Variants in FAM107B observed in about 807,000 individuals in gnomAD.
FAM107B encodes family with sequence similarity 107 member B, also known as protein FAM107B.
In FAM107B, 21 loss-of-function variants were observed where a neutral mutation model predicts 31.5. The ratio of observed to expected loss-of-function variants is 0.67; its 90% CI spans 0.47 to 0.96. The LOEUF (loss-of-function observed/expected upper bound fraction) is 0.96, where lower values mean the gene tolerates loss of function less well. Ranked by LOEUF, FAM107B falls within the 40% of genes least tolerant of loss-of-function variation. The pLI is 0.00. For synonymous variants in FAM107B, 157 were observed against 141.5 expected, an observed-to-expected ratio of 1.11 and a Z score of -0.78; for missense variants, 452 against 377.1, an observed-to-expected ratio of 1.20 and a Z score of -1.64.
chr10:14,704,848 AC>A (rs1473137519), intron 1 of FAM107B, among the ~76,000 whole-genome samples: 1 of 152,006 alleles, frequency 6.6e-6, no homozygotes, highest in Non-Finnish European at 1.5e-5. Context: ...ACATGATGAA[AC>A]CCCATCTCTA....
chr10:14,702,556 G>A (rs11259288), intron 1 of FAM107B, among the ~76,000 whole-genome samples: 12,528 of 152,068 alleles, frequency 0.082, 722 homozygotes, highest in Non-Finnish European at 0.12. Context: ...CACCATGTTG[G>A]CCAGGCTGTT....
intron 1 of FAM107B, among the ~76,000 whole-genome samples, chr10:14,737,690 C>T (rs2768702): frequency 0.52 from 79,067 of 151,242 alleles, 23,497 homozygotes; most frequent in African/African-American, 0.83. Flanking sequence ...GAAAAACTTA[C>T]CTTCCCCAAT....
intron 1 of FAM107B, among the ~76,000 whole-genome samples, chr10:14,680,247 A>T (rs1854798574): frequency 6.6e-6 from 1 of 152,120 alleles, no homozygotes; most frequent in Non-Finnish European, 1.5e-5. Context: ...TATTAAGAGA[A>T]TGAATCCAGA....
chr10:14,742,366 C>A (rs1314458328), intron 1 of FAM107B, among the ~76,000 whole-genome samples: 1 of 151,858 alleles, frequency 6.6e-6, no homozygotes, highest in African/African-American at 2.4e-5. Context: ...AGTCCTCCCA[C>A]CTCTGCCTCC....
intron 1 of FAM107B, among the ~76,000 whole-genome samples, chr10:14,695,396 A>G (rs561270219): frequency 6.6e-6 from 1 of 152,270 alleles, no homozygotes; most frequent in South Asian, 2.1e-4. Context: ...GTTTAATTAC[A>G]TAGCTTTATA....
At chr10:14,656,061 T>A (rs1390019936) in intron 2 of FAM107B, among the ~76,000 whole-genome samples, 1 of 152,164 alleles carries the variant, frequency 6.6e-6, no homozygotes, top group Non-Finnish European at 1.5e-5. Flanking sequence ...ATCGCTGATA[T>A]AAACAATTGA....
At chr10:14,525,931 C>T (rs976345527) in intron 3 of FAM107B, among the ~76,000 whole-genome samples, 2 of 152,178 alleles carry the variant, frequency 1.3e-5, no homozygotes, top group Admixed American at 1.3e-4. Context: ...GTACATTTCA[C>T]ATAAACCACT....
At chr10:14,761,085 T>C (rs1181370202) in intron 1 of FAM107B, among the ~76,000 whole-genome samples, 1 of 151,258 alleles carries the variant, frequency 6.6e-6, no homozygotes, top group East Asian at 1.9e-4. Context: ...AAAAAGTAAT[T>C]AATTTAATCA....
intron 1 of FAM107B, among the ~76,000 whole-genome samples, chr10:14,734,488 G>GTGTTTTTGTTTTTGTT (rs558940939): frequency 0.018 from 2,476 of 138,502 alleles, 92 homozygotes; most frequent in African/African-American, 0.064. Flanking sequence ...TTTTTGTGAG[G>GTGTTTTTGTTTTTGTT]TTTTTTTTTT....
At chr10:14,597,579 G>A (rs1852229227) in intron 2 of FAM107B, among the ~76,000 whole-genome samples, 2 of 152,200 alleles carry the variant, frequency 1.3e-5, no homozygotes, top group Admixed American at 1.3e-4. Context: ...AGCAGGTGGG[G>A]ACAAGGGACA....
At chr10:14,647,644 C>T (rs1853790728) in intron 2 of FAM107B, among the ~76,000 whole-genome samples, 1 of 150,216 alleles carries the variant, frequency 6.7e-6, no homozygotes, top group East Asian at 2.0e-4. Context: ...CAAGATCGTG[C>T]CATTGCACTC....
intron 4 of FAM107B, 146 bp downstream of exon 4, chr10:14,521,723 C>T (rs1379735146): frequency 3.3e-6 from 4 of 1,221,688 alleles, no homozygotes; most frequent in Non-Finnish European, 1.1e-6. Context: ...ACATATTTGA[C>T]CCCATTTGCT....
intron 2 of FAM107B, among the ~76,000 whole-genome samples, chr10:14,614,251 G>GA (rs1852797643): frequency 6.6e-6 from 1 of 152,184 alleles, no homozygotes; most frequent in Admixed American, 6.5e-5. Context: ...AGCACGATCA[G>GA]AAGCCATCAG....
At chr10:14,557,088 T>C (rs937424749) in intron 2 of FAM107B, among the ~76,000 whole-genome samples, 9 of 152,118 alleles carry the variant, frequency 5.9e-5, no homozygotes, top group African/African-American at 1.7e-4. Flanking sequence ...TTCCTCACCT[T>C]CTCAGTCTGT....
At chr10:14,532,965 G>A (rs142675426) in intron 2 of FAM107B, among the ~76,000 whole-genome samples, 156 of 152,232 alleles carry the variant, frequency 1.0e-3, no homozygotes, top group African/African-American at 3.6e-3. Context: ...AGGGTGCCTG[G>A]GGGGGATGAG....
At chr10:14,560,100 G>A (rs1343875705) in intron 2 of FAM107B, among the ~76,000 whole-genome samples, 2 of 152,140 alleles carry the variant, frequency 1.3e-5, no homozygotes, top group Admixed American at 1.3e-4. Context: ...CAGACCATCA[G>A]AGAGTTTTAG....
At chr10:14,689,142 T>C (rs1293373267) in intron 1 of FAM107B, among the ~76,000 whole-genome samples, 1 of 152,076 alleles carries the variant, frequency 6.6e-6, no homozygotes, top group Non-Finnish European at 1.5e-5. Flanking sequence ...GGCTCACACC[T>C]GTAATGGTGG....
At chr10:14,570,653 T>C (rs1338376983) in intron 2 of FAM107B, among the ~76,000 whole-genome samples, 1 of 151,890 alleles carries the variant, frequency 6.6e-6, no homozygotes, top group African/African-American at 2.4e-5. Flanking sequence ...AATACAAAAA[T>C]CAGCTGGGCA....
At chr10:14,610,025 T>C (rs957386735) in intron 2 of FAM107B, among the ~76,000 whole-genome samples, 7 of 151,958 alleles carry the variant, frequency 4.6e-5, no homozygotes, top group African/African-American at 7.3e-5. Context: ...CTGAAAACAA[T>C]AGGGAAAGGA....
Sources: gnomAD v4.1 joint callset for allele counts (sites outside exome capture counted in the v4.1 genomes callset) on GRCh38, gnomAD v4.1.1 for gene constraint, MANE v1.5 for transcripts, NCBI Gene and HGNC (gene_info 2026-07-23, HGNC 2026-07-21) for gene names.